Variants in RASGRF1 observed in about 807,000 individuals in gnomAD.
The protein encoded by RASGRF1 is Ras protein specific guanine nucleotide releasing factor 1.
A neutral mutation model predicts 138.7 loss-of-function variants in RASGRF1; 40 were observed. The observed-to-expected ratio is 0.29, with a 90% confidence interval of 0.22 to 0.38. The LOEUF is 0.38. RASGRF1 is among the 10% of genes least tolerant of loss of function. RASGRF1 has a pLI of 1.00. For synonymous variants in RASGRF1, 614 were observed against 663.2 expected (o/e 0.93, Z 1.14); for missense variants, 1,108 against 1,650.4 (o/e 0.67, Z 5.69).
At chr15:79,017,418 C>T (rs970019361) in intron 12 of RASGRF1, among the ~76,000 whole-genome samples, 12 of 152,094 alleles carry the variant, frequency 7.9e-5, no homozygotes, top group African/African-American at 2.7e-4. Context: ...TACTAAAATG[C>T]GGATTTACAG....
chr15:79,026,729 G>A (rs995266344), intron 9 of RASGRF1, among the ~76,000 whole-genome samples: 112 of 152,322 alleles, frequency 7.4e-4, no homozygotes, highest in Middle Eastern at 3.4e-3. Context: ...CCCAGGAGGG[G>A]TCATTTCTTG....
chr15:78,986,081 G>A (rs1310032294), intron 22 of RASGRF1, among the ~76,000 whole-genome samples: 1 of 152,002 alleles, frequency 6.6e-6, no homozygotes, highest in Non-Finnish European at 1.5e-5. Context: ...AATTCTGAGG[G>A]AATCTACCAT....
rs377137288 is a variant in RASGRF1 at position 79,031,653 on chromosome 15, A to C, written c.1153-144T>G. ...GAGAGGAAGGGAGGGAGGGAGGGAG[A>C]GAGGGAGGGAGAGAGAGGTGGCGAG... On this transcript the variant is annotated intron_variant, in intron 7 of 26. Transcript: ENST00000558480. The C allele has an allele frequency of 6.0e-4, 92 of 153,726 alleles. 1 individual carries two copies. Among genetic ancestry groups the C allele is most frequent in the African/African-American group, 3.0e-3 (88 of 28,994 alleles). 9.5% of individuals were successfully genotyped at this position (153,726 alleles called of 1,614,324 possible).
Position 79,058,859 on chromosome 15 carries a change from A to G in RASGRF1, c.384-378T>C, listed in dbSNP as rs368070979. 5.9e-4 allele frequency among the ~76,000 whole-genome samples: 90 copies of G among 152,324 alleles called. 1 individual carries two copies. In the South Asian group the frequency reaches 0.018, roughly 30 times the overall value. The stretch of plus-strand genomic sequence containing the variant: ...GATGAAAATGAATATCAGGTTTTTA[A>G]GTTTTTCCAACTTCTCAAGAGACTT... On this transcript the variant is annotated intron_variant, in intron 2 of 26. Coordinates refer to ENST00000558480, the MANE Select transcript of RASGRF1 (RefSeq NM_001145648.3).
intron 25 of RASGRF1, among the ~76,000 whole-genome samples, chr15:78,972,456 C>G (rs16970387): frequency 0.02 from 3,078 of 150,964 alleles, 49 homozygotes; most frequent in African/African-American, 0.032. Context: ...TGTCAAGACT[C>G]TATAGGTAAA....
chr15:79,044,549 G>A (rs183779759), intron 5 of RASGRF1, among the ~76,000 whole-genome samples: 2 of 152,318 alleles, frequency 1.3e-5, no homozygotes, highest in Admixed American at 1.3e-4. Flanking sequence ...TGGGGCTGCT[G>A]GCTACCAACC....
intron 1 of RASGRF1, among the ~76,000 whole-genome samples, chr15:79,084,591 C>A (rs1448046979): frequency 6.6e-6 from 1 of 152,248 alleles, no homozygotes; most frequent in Non-Finnish European, 1.5e-5. Flanking sequence ...GTCCACCCCT[C>A]TCAGCACACA....
chr15:79,020,889 A>G (rs1161665235), intron 10 of RASGRF1, among the ~76,000 whole-genome samples: 1 of 152,228 alleles, frequency 6.6e-6, no homozygotes, highest in African/African-American at 2.4e-5. Context: ...TCTAATTAAA[A>G]GAATAAATCA....
intron 20 of RASGRF1, among the ~76,000 whole-genome samples, chr15:78,992,140 A>G (rs2056283070): frequency 6.6e-6 from 1 of 152,232 alleles, no homozygotes; most frequent in South Asian, 2.1e-4. Context: ...AAGTGGGCTG[A>G]CTAGGACTGG....
At chr15:79,080,978 C>T (rs2057906917) in intron 1 of RASGRF1, among the ~76,000 whole-genome samples, 1 of 152,208 alleles carries the variant, frequency 6.6e-6, no homozygotes, top group Non-Finnish European at 1.5e-5. Context: ...AGGATCGTGC[C>T]TCTCTTATGT....
chr15:78,982,948 T>C (rs2056068535), intron 23 of RASGRF1, among the ~76,000 whole-genome samples: 1 of 151,916 alleles, frequency 6.6e-6, no homozygotes, highest in Non-Finnish European at 1.5e-5. Flanking sequence ...AAATGAAAAG[T>C]CCCAAATGAA....
intron 5 of RASGRF1, among the ~76,000 whole-genome samples, chr15:79,041,855 C>G (rs2141017496): frequency 6.6e-6 from 1 of 152,294 alleles, no homozygotes; most frequent in East Asian, 1.9e-4. Flanking sequence ...CCCATGCAGA[C>G]AGGATGAATT....
intron 14 of RASGRF1, chr15:79,005,325 T>C: frequency 2.0e-6 from 2 of 985,392 alleles, no homozygotes; most frequent in Non-Finnish European, 2.4e-6. Flanking sequence ...CCAGTGTGAT[T>C]CAGGAGCTCT....
chr15:78,981,704 C>T (rs3743200), intron 23 of RASGRF1: 36,036 of 152,214 alleles, frequency 0.24, 4,361 homozygotes, highest in Non-Finnish European at 0.25. Context: ...AGTTCCATGC[C>T]TTATCAACAA....
intron 3 of RASGRF1, among the ~76,000 whole-genome samples, chr15:79,055,188 A>G (rs1355745599): frequency 6.6e-6 from 1 of 152,130 alleles, no homozygotes; most frequent in Non-Finnish European, 1.5e-5. Flanking sequence ...GCTGGCTCCA[A>G]TAGTCTAAGA....
Position 79,032,387 on chromosome 15 carries a change from TC to T in RASGRF1, c.959-72del. On this transcript the variant is annotated intron_variant, in intron 6 of 26. Transcript: ENST00000558480. The surrounding 1 kb of genome is among the most constrained non-coding windows in gnomAD (Gnocchi z 4.5). ...GGACAGAATCCCCTAGGCCCTTGGC[TC>T]CCCCAGCTACACCCAGAGAGGCCAG... is the stretch of plus-strand genomic sequence containing the variant. 1 of 1,469,286 alleles carries T rather than the reference TC, an allele frequency of 6.8e-7. No homozygotes were observed. Among genetic ancestry groups the T allele is most frequent in the Non-Finnish European group, 9.4e-7 (1 of 1,067,870 alleles). 91.0% of individuals were successfully genotyped at this position (1,469,286 alleles called of 1,614,324 possible).
At chr15:78,981,927 G>A (rs1051545826) in intron 23 of RASGRF1, among the ~76,000 whole-genome samples, 1 of 152,268 alleles carries the variant, frequency 6.6e-6, no homozygotes, top group East Asian at 1.9e-4. Context: ...CTTCCCTCCT[G>A]CACTTGCCCC....
In RASGRF1 at chr15:79,006,110, G is replaced by C. The variant is rs1326259169; in HGVS notation, c.2075+76C>G. On this transcript the variant is annotated intron_variant, in intron 14 of 26. Coordinates refer to ENST00000558480, the MANE Select transcript of RASGRF1 (RefSeq NM_001145648.3). This position sits in a 1 kb window ranked among gnomAD's most constrained non-coding sequence, Gnocchi z 4.0. ...CCAGGGACCTTCCAGGTCACCCCCC[G>C]GCCCCGTGCAAGCTCAGTTTTCCTC... 6 of 1,589,294 alleles carry C rather than the reference G, an allele frequency of 3.8e-6. No individual in the cohort carries two copies. The South Asian group carries it at 6.9e-5, about 18-fold the overall frequency.
At chr15:79,014,920 A>C (rs1010454226) in intron 13 of RASGRF1, among the ~76,000 whole-genome samples, 1 of 81,098 alleles carries the variant, frequency 1.2e-5, no homozygotes, top group African/African-American at 5.0e-5. Flanking sequence ...TGGTCTCAAA[A>C]AAACAAAAAA....
Sources: allele counts gnomAD v4.1 joint callset (sites outside exome capture counted in the v4.1 genomes callset), GRCh38; gene constraint gnomAD v4.1.1; non-coding constraint Gnocchi (gnomAD v3.1); transcripts MANE v1.5; gene names NCBI Gene and HGNC (gene_info 2026-07-23, HGNC 2026-07-21).